Variants in ACACA observed in about 807,000 individuals in gnomAD.
ACACA encodes the protein acetyl-CoA carboxylase 1.
In ACACA, 103 loss-of-function variants were observed where a neutral mutation model predicts 296.1. The observed-to-expected ratio is 0.35, with a 90% confidence interval of 0.30 to 0.41. ACACA has a LOEUF of 0.41. Among genes scored for constraint, ACACA ranks in the 10% least tolerant of loss-of-function variants. The probability of loss-of-function intolerance (pLI) is 1.00; values close to 1 mark genes in which losing one functional copy is unlikely to be tolerated. For missense variants in ACACA, 1,554 were observed against 2,989.7 expected, an observed-to-expected ratio of 0.52 and a Z score of 11.20; for synonymous variants, 953 against 1,038.6, an observed-to-expected ratio of 0.92 and a Z score of 1.58.
chr17:37,133,796 G>T (rs2075213011), intron 45 of ACACA, among the ~76,000 whole-genome samples: 1 of 152,172 alleles, frequency 6.6e-6, no homozygotes, highest in Admixed American at 6.5e-5. Flanking sequence ...AAACACAGGA[G>T]TGAGTCAAAC....
At chr17:37,230,137 C>G (rs1473891354) in intron 25 of ACACA, among the ~76,000 whole-genome samples, 2 of 151,756 alleles carry the variant, frequency 1.3e-5, no homozygotes, top group Non-Finnish European at 2.9e-5. Flanking sequence ...GTAATCCCAG[C>G]ATTTTGGGAG....
rs570675324 is a variant in ACACA at position 37,308,038 on chromosome 17, A to G, written c.338+22135T>C. On this transcript the variant is annotated intron_variant, in intron 3 of 55. Transcript: ENST00000616317. ...ATCACCAACTGCAACATATACATTC[A>G]TTGCAAGTGTTTATGAAACTTTATC... 7.2e-5 allele frequency among the ~76,000 whole-genome samples: 11 copies of G among 152,318 alleles called. No individual in the cohort carries two copies. In the East Asian group the frequency reaches 1.5e-3, roughly 21 times the overall value.
At chr17:37,376,014 AG>A in intron 1 of ACACA, 1 of 1,269,900 alleles carries the variant, frequency 7.9e-7, no homozygotes, top group Non-Finnish European at 1.1e-6. Flanking sequence ...GTGTGGTGAA[AG>A]CAACTAGAGG....
At chr17:37,143,698 T>C (rs2075697314) in intron 45 of ACACA, 1 of 910,830 alleles carries the variant, frequency 1.1e-6, no homozygotes, top group Non-Finnish European at 1.8e-6. Flanking sequence ...CATCATCATC[T>C]TCTTCATCTT....
chr17:37,089,855 T>C (rs897749537), intron 54 of ACACA, among the ~76,000 whole-genome samples: 3 of 152,206 alleles, frequency 2.0e-5, no homozygotes, highest in African/African-American at 7.2e-5. Flanking sequence ...TCTTCTCCTC[T>C]CATTTTCTTT....
chr17:37,152,894 T>C (rs997617924), intron 43 of ACACA, among the ~76,000 whole-genome samples: 1 of 152,232 alleles, frequency 6.6e-6, no homozygotes, highest in Non-Finnish European at 1.5e-5. Flanking sequence ...CCTCCATCAA[T>C]TCTTTTTCTT....
At chr17:37,163,677 A>G (rs371980188) in intron 41 of ACACA, among the ~76,000 whole-genome samples, 5 of 152,208 alleles carry the variant, frequency 3.3e-5, no homozygotes, top group African/African-American at 9.7e-5. Flanking sequence ...GAATTTACCA[A>G]TGCTCAACAT....
chr17:37,323,843 G>C (rs979851608), intron 3 of ACACA, among the ~76,000 whole-genome samples: 1 of 152,290 alleles, frequency 6.6e-6, no homozygotes, highest in African/African-American at 2.4e-5. Context: ...TATGCAAAAC[G>C]ATCTGACCTC....
chr17:37,238,286 CTTT>C (rs917331380), intron 24 of ACACA, among the ~76,000 whole-genome samples: 5 of 128,504 alleles, frequency 3.9e-5, no homozygotes, highest in Admixed American at 2.4e-4. Flanking sequence ...TTTCTTTCCT[CTTT>C]TTTTTTTTTT....
At chr17:37,366,784 T>A (rs1183014883) in intron 1 of ACACA, among the ~76,000 whole-genome samples, 1 of 149,772 alleles carries the variant, frequency 6.7e-6, no homozygotes, top group South Asian at 2.1e-4. Context: ...CACGTCTTTT[T>A]AAAAAAAAAA....
chr17:37,180,619 G>A (rs2077282770), intron 40 of ACACA, among the ~76,000 whole-genome samples: 1 of 152,126 alleles, frequency 6.6e-6, no homozygotes, highest in Non-Finnish European at 1.5e-5. Flanking sequence ...TCACCATACA[G>A]ATTGAAAGAA....
In ACACA at chr17:37,406,532, A is replaced by C. The variant is rs932636764; in HGVS notation, c.-233T>G. ...CAGCCTCAATTTCCCTTGCTGCAACAGGGGTGGAGATGGGAACGTTATCCC... is the reference window on the plus strand; with the variant it reads ...CAGCCTCAATTTCCCTTGCTGCAACCGGGGTGGAGATGGGAACGTTATCCC... On this transcript the variant is annotated 5_prime_UTR_variant, in exon 1 of 56. Transcript: ENST00000616317. 3.3e-6 allele frequency: 2 copies of C among 613,614 alleles called. No individual in the cohort carries two copies. Among genetic ancestry groups the C allele is most frequent in the African/African-American group, 3.7e-5 (2 of 54,102 alleles). 38.0% of individuals were successfully genotyped at this position (613,614 alleles called of 1,614,324 possible).
chr17:37,192,069 C>T (rs1427166279), intron 37 of ACACA, 21 bp downstream of exon 37: 1 of 1,610,606 alleles, frequency 6.2e-7, no homozygotes, highest in Non-Finnish European at 8.5e-7. Context: ...GGATAACATC[C>T]CATTAAAGTA....
intron 54 of ACACA, among the ~76,000 whole-genome samples, chr17:37,091,906 GAACAGTTGT>G (rs1164458092): frequency 6.6e-6 from 1 of 152,090 alleles, no homozygotes; most frequent in Non-Finnish European, 1.5e-5. Context: ...TGCTCCCTTA[GAACAGTTGT>G]AAGACTCAAT....
intron 43 of ACACA, among the ~76,000 whole-genome samples, chr17:37,152,027 C>T (rs1291045369): frequency 1.3e-5 from 2 of 149,606 alleles, no homozygotes; most frequent in South Asian, 2.1e-4. Flanking sequence ...GATCTCTTGA[C>T]CTTGTGATCC....
At chr17:37,125,673 G>A in intron 48 of ACACA, 25 bp downstream of exon 48, 2 of 1,575,558 alleles carry the variant, frequency 1.3e-6, no homozygotes, top group Non-Finnish European at 1.7e-6. Flanking sequence ...AGGAAAAAGA[G>A]CTGCCAAAAC....
chr17:37,183,656 G>A (rs991352792), intron 39 of ACACA, among the ~76,000 whole-genome samples: 4 of 151,858 alleles, frequency 2.6e-5, no homozygotes, highest in East Asian at 2.0e-4. Context: ...GTGAAACCCC[G>A]TCTCTACTAA....
At chr17:37,094,133 G>C (rs1037696730) in intron 54 of ACACA, among the ~76,000 whole-genome samples, 1 of 152,108 alleles carries the variant, frequency 6.6e-6, no homozygotes, top group African/African-American at 2.4e-5. Context: ...TTAAACTACT[G>C]TTCTTGTTAT....
intron 3 of ACACA, among the ~76,000 whole-genome samples, chr17:37,301,638 A>G (rs2083622043): frequency 6.6e-6 from 1 of 152,116 alleles, no homozygotes; most frequent in Non-Finnish European, 1.5e-5. Context: ...TTCTTTGTGG[A>G]CTCTAAATTC....
Sources: allele counts gnomAD v4.1 joint callset (sites outside exome capture counted in the v4.1 genomes callset), GRCh38; gene constraint gnomAD v4.1.1; transcripts MANE v1.5; gene names NCBI Gene and HGNC (gene_info 2026-07-23, HGNC 2026-07-21).